Variants in ITGA1 observed in about 807,000 individuals in gnomAD.
The protein encoded by ITGA1 is integrin alpha-1.
ITGA1 carries 85 observed loss-of-function variants against 145.9 expected under a neutral mutation model. That is an observed-to-expected ratio of 0.58 (90% CI 0.49 to 0.70). The LOEUF is 0.70. ITGA1 is among the 30% of genes least tolerant of loss of function. The probability of loss-of-function intolerance (pLI) is 0.00; values close to 1 mark genes in which losing one functional copy is unlikely to be tolerated. For missense variants in ITGA1, 1,351 were observed against 1,418.7 expected (o/e 0.95, Z 0.77); for synonymous variants, 520 against 495.3 (o/e 1.05, Z -0.66).
chr5:52,818,717 A>G (rs1254424485), intron 1 of ITGA1, among the ~76,000 whole-genome samples: 1 of 152,206 alleles, frequency 6.6e-6, no homozygotes, highest in Non-Finnish European at 1.5e-5. Flanking sequence ...AGAGCAAGCC[A>G]ACTTAATCAG....
chr5:52,934,044 T>C lies in ITGA1; in HGVS notation c.2964+48T>C, dbSNP rs368635249. On this transcript the variant is annotated intron_variant, in intron 23 of 28. Coordinates refer to ENST00000282588, the MANE Select transcript of ITGA1 (RefSeq NM_181501.2). Reference sequence around the variant, plus strand: ...GTATTCTAAAGGAGTTATTTGTAAATATATAAATTAAAGTATTAACAGACA... The same window carrying C: ...GTATTCTAAAGGAGTTATTTGTAAACATATAAATTAAAGTATTAACAGACA... 2.7e-5 allele frequency: 19 copies of C among 705,908 alleles called. No individual in the cohort carries two copies. In the African/African-American group the frequency reaches 3.6e-4, roughly 13 times the overall value. The allele number at this position is 705,908 out of a possible 1,614,324, so 43.7% of individuals were successfully genotyped here.
intron 2 of ITGA1, 76 bp from the exon 3 acceptor site, chr5:52,861,371 A>T: frequency 1.2e-6 from 1 of 835,522 alleles, no homozygotes; most frequent in African/African-American, 1.7e-5. Context: ...CAATTATCTT[A>T]AAATCAGTCA....
chr5:52,906,571 T>A (rs1217211254), intron 12 of ITGA1, among the ~76,000 whole-genome samples: 1 of 152,226 alleles, frequency 6.6e-6, no homozygotes, highest in Non-Finnish European at 1.5e-5. Flanking sequence ...CACACACATA[T>A]TAACTGAAAG....
intron 7 of ITGA1, among the ~76,000 whole-genome samples, chr5:52,884,233 C>G (rs1750011065): frequency 6.6e-6 from 1 of 152,004 alleles, no homozygotes. Context: ...CACCTGAGGT[C>G]AGGAGTTCGA....
intron 1 of ITGA1, among the ~76,000 whole-genome samples, chr5:52,836,475 C>A (rs1341670042): frequency 1.3e-5 from 2 of 152,086 alleles, no homozygotes; most frequent in African/African-American, 4.8e-5. Flanking sequence ...AAATCTTTGT[C>A]TTTTTTTGGT....
rs192093828 is a variant in ITGA1 at position 52,906,567 on chromosome 5, C to G, written c.1455+659C>G. On this transcript the variant is annotated intron_variant, in intron 12 of 28. Transcript: ENST00000282588. ...AAATATGCAAACATTTACACACACA[C>G]ATATTAACTGAAAGAAAGATCTAAC... 1.2e-3 allele frequency among the ~76,000 whole-genome samples: 187 copies of G among 152,262 alleles called. 1 individual carries two copies. The highest frequency in any genetic ancestry group is 2.2e-3 in the Non-Finnish European group (149 of 68,012).
At chr5:52,937,592 A>G (rs1651420493) in intron 24 of ITGA1, 78 bp downstream of exon 24, 1 of 848,740 alleles carries the variant, frequency 1.2e-6, no homozygotes, top group Non-Finnish European at 2.0e-6. Flanking sequence ...GTTCTGCATG[A>G]TACTTGTAAT....
chr5:52,884,516 A>G (rs1437760097), intron 7 of ITGA1, among the ~76,000 whole-genome samples: 1 of 151,972 alleles, frequency 6.6e-6, no homozygotes, highest in Non-Finnish European at 1.5e-5. Context: ...TATTTGTTAA[A>G]GATTGTAAGG....
chr5:52,900,876 T>C (rs137890919), intron 11 of ITGA1, among the ~76,000 whole-genome samples: 41 of 152,306 alleles, frequency 2.7e-4, no homozygotes, highest in African/African-American at 8.9e-4. Flanking sequence ...ATGGGTGTTG[T>C]CTATTATTTT....
intron 21 of ITGA1, among the ~76,000 whole-genome samples, chr5:52,930,064 T>G (rs1750872568): frequency 6.6e-6 from 1 of 152,328 alleles, no homozygotes; most frequent in Non-Finnish European, 1.5e-5. Flanking sequence ...AATCATTAGA[T>G]GGACTTAAAG....
chr5:52,907,638 G>T (rs1750432790), intron 12 of ITGA1, among the ~76,000 whole-genome samples: 2 of 152,108 alleles, frequency 1.3e-5, no homozygotes, highest in Admixed American at 1.3e-4. Context: ...CATGTTCCTT[G>T]TAACAGTAAG....
rs147498792 is a variant in ITGA1, at chr5:52,811,071, C to T, written c.61+22657C>T. On this transcript the variant is annotated intron_variant, in intron 1 of 28. Coordinates refer to ENST00000282588, the MANE Select transcript of ITGA1 (RefSeq NM_181501.2). ...GGACTTTGCAAAGGATGTTGCACAC[C>T]AAAAATTACAAAATAATTCAACGAT... Among the ~76,000 whole-genome samples, 24 of 152,136 alleles carry T rather than the reference C, an allele frequency of 1.6e-4. No individual in the cohort carries two copies. The East Asian group carries it at 4.4e-3, about 28-fold the overall frequency.
At chr5:52,942,536 T>G (rs1277763935) in intron 26 of ITGA1, among the ~76,000 whole-genome samples, 6 of 150,318 alleles carry the variant, frequency 4.0e-5, no homozygotes, top group Admixed American at 6.6e-5. Flanking sequence ...AATGGAGTTT[T>G]TTTTTTTTTT....
chr5:52,912,173 G>C (rs1419657993), intron 14 of ITGA1, among the ~76,000 whole-genome samples: 30 of 138,698 alleles, frequency 2.2e-4, no homozygotes, highest in Middle Eastern at 0.011. Flanking sequence ...AGCGTATCTA[G>C]TATATAGATA....
chr5:52,946,017 T>C (rs2111909048), intron 27 of ITGA1, among the ~76,000 whole-genome samples: 1 of 152,338 alleles, frequency 6.6e-6, no homozygotes, highest in East Asian at 1.9e-4. Context: ...CCTAAATTTA[T>C]GTGTTAAAAT....
intron 1 of ITGA1, among the ~76,000 whole-genome samples, chr5:52,819,892 T>G (rs958235943): frequency 1.1e-4 from 16 of 152,302 alleles, no homozygotes; most frequent in African/African-American, 3.4e-4. Context: ...CAGCACCATT[T>G]ATTAAATAGG....
chr5:52,919,579 G>A (rs369848777), intron 16 of ITGA1, among the ~76,000 whole-genome samples: 13 of 152,220 alleles, frequency 8.5e-5, no homozygotes, highest in African/African-American at 3.1e-4. Flanking sequence ...AATGAGAAAA[G>A]CCATTAATCC....
intron 7 of ITGA1, among the ~76,000 whole-genome samples, chr5:52,884,019 T>C (rs1315941822): frequency 1.3e-5 from 2 of 152,196 alleles, no homozygotes; most frequent in Non-Finnish European, 2.9e-5. Context: ...TTTAAGAGAA[T>C]TAGGAAGTTT....
Position 52,865,167 on chromosome 5 carries a change from A to C in ITGA1, c.496+85A>C, listed in dbSNP as rs1391862131. ...ATGTATACAAAGGAACATACCAAAA[A>C]GCTTAAAGTATTTTCTTAGCTACCA... On this transcript the variant is annotated intron_variant, in intron 5 of 28. Coordinates refer to ENST00000282588, the MANE Select transcript of ITGA1 (RefSeq NM_181501.2). 1.1e-5 allele frequency: 11 copies of C among 963,112 alleles called. No homozygotes were observed. The Admixed American group carries it at 2.6e-4, about 23-fold the overall frequency. The allele number at this position is 963,112 out of a possible 1,614,324, so 59.7% of individuals were successfully genotyped here.
Sources: allele counts gnomAD v4.1 joint callset (sites outside exome capture counted in the v4.1 genomes callset), GRCh38; gene constraint gnomAD v4.1.1; transcripts MANE v1.5; gene names NCBI Gene and HGNC (gene_info 2026-07-23, HGNC 2026-07-21).